The following C2orf49 variants were observed in gnomAD, a reference collection of about 807,000 sequenced individuals.
The protein encoded by C2orf49 is tRNA splicing ligase complex subunit 2.
In C2orf49, 11 loss-of-function variants were observed where a neutral mutation model predicts 20.6. That is an observed-to-expected ratio of 0.53 (90% CI 0.34 to 0.88). The LOEUF (loss-of-function observed/expected upper bound fraction) is 0.88, where lower values mean the gene tolerates loss of function less well. Ranked by LOEUF, C2orf49 falls within the 40% of genes least tolerant of loss-of-function variation. The probability of loss-of-function intolerance (pLI) is 0.02; values close to 1 mark genes in which losing one functional copy is unlikely to be tolerated. For synonymous variants in C2orf49, 134 were observed against 108.5 expected, an observed-to-expected ratio of 1.24 and a Z score of -1.46; for missense variants, 289 against 274.2, an observed-to-expected ratio of 1.05 and a Z score of -0.38.
chr2:105,351,665 A>G (rs905603390), downstream of C2orf49, among the ~76,000 whole-genome samples: 2 of 148,102 alleles, frequency 1.4e-5, no homozygotes, highest in African/African-American at 4.9e-5. Flanking sequence ...CTTTGAACAC[A>G]TCCTTTCTGG....
chr2:105,373,699 GCTT>G, the C2orf49 span: 1 of 1,614,190 alleles, frequency 6.2e-7, no homozygotes, highest in Non-Finnish European at 8.5e-7. Context: ...GTGGAAACAG[GCTT>G]CATGCCAGTG....
chr2:105,342,281 A>T (rs1455402451), intron 2 of C2orf49, among the ~76,000 whole-genome samples: 2 of 152,362 alleles, frequency 1.3e-5, no homozygotes, highest in Admixed American at 6.5e-5. Context: ...CTTTACTATT[A>T]AGAGTGGAAA....
the C2orf49 span, chr2:105,376,521 A>G: frequency 6.6e-6 from 1 of 152,238 alleles, no homozygotes; most frequent in African/African-American, 2.4e-5. Flanking sequence ...TAATTTAAGA[A>G]GAGATGGAGA....
At chr2:105,371,049 G>A in the C2orf49 span, among the ~76,000 whole-genome samples, 1 of 152,122 alleles carries the variant, frequency 6.6e-6, no homozygotes, top group African/African-American at 2.4e-5. Flanking sequence ...TATTCAGTAT[G>A]GGTTACCTCT....
At chr2:105,351,014 T>G (rs967564104), downstream of C2orf49, among the ~76,000 whole-genome samples, 1 of 152,220 alleles carries the variant, frequency 6.6e-6, no homozygotes, top group African/African-American at 2.4e-5. Flanking sequence ...TGACAGTTTC[T>G]CAGAGTTTCC....
At chr2:105,353,043 G>A (rs1056356802), downstream of C2orf49, among the ~76,000 whole-genome samples, 12 of 152,168 alleles carry the variant, frequency 7.9e-5, no homozygotes, top group Admixed American at 7.9e-4. Context: ...CATGGCACTG[G>A]CACCTGGTGA....
the C2orf49 span, among the ~76,000 whole-genome samples, chr2:105,371,874 G>A: frequency 4.9e-3 from 740 of 152,276 alleles, no homozygotes; most frequent in Non-Finnish European, 8.3e-3. Flanking sequence ...CTGTGGGGCA[G>A]GACACAGGTC....
chr2:105,341,427 G>A (rs1342463241), intron 2 of C2orf49, among the ~76,000 whole-genome samples: 1 of 152,140 alleles, frequency 6.6e-6, no homozygotes, highest in Non-Finnish European at 1.5e-5. Flanking sequence ...TTTATCTGTG[G>A]AGGAACTGAG....
chr2:105,355,249 G>T, the C2orf49 span, among the ~76,000 whole-genome samples: 27 of 152,178 alleles, frequency 1.8e-4, no homozygotes, highest in African/African-American at 6.5e-4. Context: ...GGACACAGTG[G>T]GGTGGAGGCA....
chr2:105,342,698 A>T, intron 2 of C2orf49, 150 bp from the exon 3 acceptor site: 1 of 709,074 alleles, frequency 1.4e-6, no homozygotes, highest in Non-Finnish European at 2.2e-6. Flanking sequence ...TCTTTCATTT[A>T]GAATGAACAT....
At chr2:105,380,084 G>T in the C2orf49 span, among the ~76,000 whole-genome samples, 1 of 152,208 alleles carries the variant, frequency 6.6e-6, no homozygotes, top group Admixed American at 6.5e-5. Flanking sequence ...TCACAATAAG[G>T]AGGAAGTGAG....
At chr2:105,361,475 G>T in the C2orf49 span, 1 of 1,583,914 alleles carries the variant, frequency 6.3e-7, no homozygotes, top group Admixed American at 1.7e-5. Context: ...AAGAAAGTTA[G>T]AATCAGGCAA....
the C2orf49 span, among the ~76,000 whole-genome samples, chr2:105,364,666 A>G: frequency 6.6e-6 from 1 of 152,224 alleles, no homozygotes; most frequent in Non-Finnish European, 1.5e-5. Context: ...GCTGTGGAAG[A>G]TGGAGTGCAA....
chr2:105,352,066 T>G (rs1243386343), downstream of C2orf49, among the ~76,000 whole-genome samples: 2 of 152,256 alleles, frequency 1.3e-5, no homozygotes, highest in East Asian at 3.8e-4. Flanking sequence ...TCCATTTACT[T>G]AATTGTTCAA....
At chr2:105,371,257 AAGTCAGCAAGCTTCG>A in the C2orf49 span, among the ~76,000 whole-genome samples, 1 of 152,146 alleles carries the variant, frequency 6.6e-6, no homozygotes, top group Non-Finnish European at 1.5e-5. Flanking sequence ...ACTAACATCT[AAGTCAGCAAGCTTCG>A]AGTGCAGCAC....
the C2orf49 span, among the ~76,000 whole-genome samples, chr2:105,356,181 A>T: frequency 2.6e-5 from 4 of 152,158 alleles, no homozygotes; most frequent in Non-Finnish European, 5.9e-5. Context: ...ACCTGAGGTC[A>T]GGAGTTCAAG....
At chr2:105,379,559 G>A in the C2orf49 span, among the ~76,000 whole-genome samples, 2 of 152,036 alleles carry the variant, frequency 1.3e-5, no homozygotes, top group Non-Finnish European at 2.9e-5. Flanking sequence ...TCAATGTAAC[G>A]ACACCAAAAA....
chr2:105,376,611 G>GGCT, the C2orf49 span: 1 of 152,132 alleles, frequency 6.6e-6, no homozygotes, highest in African/African-American at 2.4e-5. Context: ...AAAACACCAT[G>GGCT]GCTGATATTA....
At chr2:105,362,003 A>G in the C2orf49 span, among the ~76,000 whole-genome samples, 1 of 152,244 alleles carries the variant, frequency 6.6e-6, no homozygotes, top group African/African-American at 2.4e-5. Flanking sequence ...GTCCGTGATT[A>G]TAATACAGTT....
Sources: allele counts gnomAD v4.1 joint callset (sites outside exome capture counted in the v4.1 genomes callset), GRCh38; gene constraint gnomAD v4.1.1; transcripts MANE v1.5; gene names NCBI Gene and HGNC (gene_info 2026-07-23, HGNC 2026-07-21).